The following CACUL1 variants were observed in gnomAD, a reference collection of about 807,000 sequenced individuals.
CACUL1 encodes CDK2 associated cullin domain 1, also known as CDK2-associated and cullin domain-containing protein 1.
Under a neutral mutation model 45.2 loss-of-function variants are expected in CACUL1, and 13 were observed. The observed-to-expected ratio is 0.29, with a 90% confidence interval of 0.19 to 0.46. CACUL1 has a LOEUF of 0.46. Among genes scored for constraint, CACUL1 ranks in the 20% least tolerant of loss-of-function variants. CACUL1 has a pLI of 1.00. For synonymous variants in CACUL1, 197 were observed against 174.2 expected (o/e 1.13, Z -1.03); for missense variants, 421 against 471.4 (o/e 0.89, Z 0.99).
chr10:118,694,970 T>C, intron 6 of CACUL1, 171 bp downstream of exon 6: 2 of 500,156 alleles, frequency 4.0e-6, no homozygotes, highest in Middle Eastern at 3.0e-4. Flanking sequence ...GCAGAGAACA[T>C]TCCAACTGAG....
At chr10:118,690,425 T>A (rs1845253491) in intron 7 of CACUL1, among the ~76,000 whole-genome samples, 1 of 152,090 alleles carries the variant, frequency 6.6e-6, no homozygotes, top group Non-Finnish European at 1.5e-5. Context: ...AAAATTGTAT[T>A]AAAATGTATT....
intron 3 of CACUL1, among the ~76,000 whole-genome samples, chr10:118,723,138 G>T (rs1845617105): frequency 6.6e-6 from 1 of 152,096 alleles, no homozygotes; most frequent in East Asian, 1.9e-4. Context: ...TAGACATGCT[G>T]AAGTTATCCT....
chr10:118,701,268 G>A, intron 5 of CACUL1, 38 bp downstream of exon 5: 2 of 1,094,682 alleles, frequency 1.8e-6, no homozygotes, highest in Non-Finnish European at 1.3e-6. Flanking sequence ...AAAGATCATT[G>A]CTAGTGTTAT....
chr10:118,718,185 G>A (rs2119614749), intron 3 of CACUL1, among the ~76,000 whole-genome samples: 1 of 152,298 alleles, frequency 6.6e-6, no homozygotes, highest in African/African-American at 2.4e-5. Flanking sequence ...TTTCAGGATG[G>A]TAGAAAATCC....
At chr10:118,701,187 A>C (rs1436474439) in intron 5 of CACUL1, 119 bp downstream of exon 5, 2 of 517,416 alleles carry the variant, frequency 3.9e-6, no homozygotes, top group African/African-American at 1.9e-5. Context: ...ACTTCCTGCT[A>C]TCTGGTTCAG....
chr10:118,689,816 T>C (rs1056412273), intron 7 of CACUL1, among the ~76,000 whole-genome samples: 2 of 152,196 alleles, frequency 1.3e-5, no homozygotes, highest in African/African-American at 4.8e-5. Flanking sequence ...ATGCTCAAAA[T>C]TCACAAGAGC....
chr10:118,729,334 C>T lies in CACUL1; in HGVS notation c.558G>A (p.Lys186=). The T allele has an allele frequency of 1.2e-6, 2 of 1,613,214 alleles. No homozygotes were observed. Among genetic ancestry groups the T allele is most frequent in the Admixed American group, 3.3e-5 (2 of 60,002 alleles). ...AGACTCTCTCTAAGTGATTAGTTAT[C>T]TTTTTAATCAGATCACTATACATCT... is the stretch of plus-strand genomic sequence containing the variant. ...SEQMYSDLIK[K]ITNHLERVSK... The change falls in exon 3 of 9, where the codon AAG becomes AAA. Residue 186 remains lysine, a synonymous_variant. Transcript: ENST00000369151.
chr10:118,725,912 G>A (rs1260042916), intron 3 of CACUL1, among the ~76,000 whole-genome samples: 2 of 152,038 alleles, frequency 1.3e-5, no homozygotes. Flanking sequence ...ATATGCCTTG[G>A]GATAAAAATA....
At chr10:118,703,466 A>T (rs1029577581) in intron 4 of CACUL1, among the ~76,000 whole-genome samples, 5 of 152,204 alleles carry the variant, frequency 3.3e-5, no homozygotes, top group African/African-American at 1.2e-4. Context: ...AAATTATTTA[A>T]ATAATAGTCC....
intron 7 of CACUL1, among the ~76,000 whole-genome samples, chr10:118,689,392 G>A (rs1845239209): frequency 6.6e-6 from 1 of 152,176 alleles, no homozygotes; most frequent in South Asian, 2.1e-4. Context: ...AATCCTCATA[G>A]CACATGTATA....
Position 118,754,690 on chromosome 10 carries a change from AGTT to A in CACUL1, c.70_72del (p.Asn24del), listed in dbSNP as rs776958575. 4.4e-6 allele frequency: 7 copies of A among 1,608,264 alleles called. No homozygotes were observed. The African/African-American group carries it at 8.1e-5, about 19-fold the overall frequency. ...CGGAAGCCGTCCACCGCAGCCTCCC[AGTT>A]GTTGTGGTTCTGGTCGTCCATCATC... On this transcript the variant is annotated inframe_deletion, in exon 1 of 9. Coordinates refer to ENST00000369151, the MANE Select transcript of CACUL1 (RefSeq NM_153810.5).
intron 3 of CACUL1, among the ~76,000 whole-genome samples, chr10:118,709,450 G>C (rs1388178618): frequency 6.6e-6 from 1 of 152,200 alleles, no homozygotes; most frequent in Non-Finnish European, 1.5e-5. Flanking sequence ...CCAGTAATTT[G>C]TCTAAGACTA....
intron 3 of CACUL1, among the ~76,000 whole-genome samples, chr10:118,723,895 G>T (rs1443188751): frequency 2.6e-5 from 4 of 151,824 alleles, no homozygotes; most frequent in Non-Finnish European, 4.4e-5. Context: ...CTCCTGAGCA[G>T]CTGAGATTAT....
intron 5 of CACUL1, 31 bp downstream of exon 5, chr10:118,701,275 T>C (rs1208626869): frequency 8.3e-7 from 1 of 1,206,962 alleles, no homozygotes; most frequent in Non-Finnish European, 1.2e-6. Context: ...ATTGCTAGTG[T>C]TATCTCACCC....
chr10:118,727,391 T>A (rs1188406624), intron 3 of CACUL1, among the ~76,000 whole-genome samples: 3 of 92,486 alleles, frequency 3.2e-5, no homozygotes, highest in East Asian at 5.6e-4. Context: ...GAGACCCCCA[T>A]CTCAAAAAAA....
chr10:118,719,866 T>C (rs1201460872), intron 3 of CACUL1, among the ~76,000 whole-genome samples: 1 of 152,144 alleles, frequency 6.6e-6, no homozygotes, highest in African/African-American at 2.4e-5. Context: ...GACATTCCAT[T>C]CTCATTCTTG....
At chr10:118,744,182 TTGAGACCACC>T (rs2119673517) in intron 1 of CACUL1, among the ~76,000 whole-genome samples, 1 of 152,228 alleles carries the variant, frequency 6.6e-6, no homozygotes, top group Admixed American at 6.5e-5. Context: ...GGTCAGGAGT[TTGAGACCACC>T]CTGGCCAACA....
chr10:118,704,495 T>C (rs1845415045), intron 4 of CACUL1, among the ~76,000 whole-genome samples: 1 of 152,124 alleles, frequency 6.6e-6, no homozygotes, highest in African/African-American at 2.4e-5. Context: ...CCCAAGACAG[T>C]TTAAAGCCTG....
intron 3 of CACUL1, among the ~76,000 whole-genome samples, chr10:118,718,848 C>T (rs199660521): frequency 1.3e-5 from 2 of 152,112 alleles, no homozygotes; most frequent in Non-Finnish European, 1.5e-5. Flanking sequence ...GCTGGGATTA[C>T]AGGCGTGAGC....
Sources: allele counts gnomAD v4.1 joint callset (sites outside exome capture counted in the v4.1 genomes callset), GRCh38; gene constraint gnomAD v4.1.1; transcripts MANE v1.5; gene names NCBI Gene and HGNC (gene_info 2026-07-23, HGNC 2026-07-21).